MAP2K5: variants seen among roughly 807,000 people sequenced by gnomAD.
MAP2K5 encodes mitogen-activated protein kinase kinase 5.
MAP2K5 carries 49 observed loss-of-function variants against 83.1 expected under a neutral mutation model. That is an observed-to-expected ratio of 0.59 (90% CI 0.47 to 0.75). MAP2K5 has a LOEUF of 0.75. MAP2K5 is among the 30% of genes least tolerant of loss of function. The pLI is 0.00. For missense variants in MAP2K5, 457 were observed against 557.5 expected (o/e 0.82, Z 1.82); for synonymous variants, 202 against 191.8 (o/e 1.05, Z -0.44).
Position 67,760,912 on chromosome 15 carries a change from C to T in MAP2K5, c.1135-8690C>T, listed in dbSNP as rs1004806335. 6.6e-6 allele frequency among the ~76,000 whole-genome samples: 1 copy of T among 152,078 alleles called. No homozygotes were observed. The highest frequency in any genetic ancestry group is 1.5e-5 in the Non-Finnish European group (1 of 68,022). On this transcript the variant is annotated intron_variant, in intron 19 of 21. Coordinates refer to ENST00000178640, the MANE Select transcript of MAP2K5 (RefSeq NM_145160.3). This position sits in a 1 kb window ranked among gnomAD's most constrained non-coding sequence, Gnocchi z 4.1. ...GTTACCCAGCAGCTTGGGCTGGGGG[C>T]ACTGCTCTGCTTCACTGCCGAGTTG...
At chr15:67,759,052 A>T (rs906994373) in intron 19 of MAP2K5, among the ~76,000 whole-genome samples, 1 of 152,244 alleles carries the variant, frequency 6.6e-6, no homozygotes, top group African/African-American at 2.4e-5. Flanking sequence ...TTAATTTGGC[A>T]TGGAGGAGCG....
rs781284416 is a variant in MAP2K5, at chr15:67,692,469, C to G, written c.848-10C>G. The G allele has an allele frequency of 6.2e-7, 1 of 1,610,268 alleles. No individual in the cohort carries two copies. The highest frequency in any genetic ancestry group is 1.7e-4 in the Middle Eastern group (1 of 6,048). Reference sequence around the variant, plus strand: ...AATTAGTTACATGGCCTTTTCTGGTCCCTTTTTAGACGTGAAGCCCTCCAA... The same window carrying G: ...AATTAGTTACATGGCCTTTTCTGGTGCCTTTTTAGACGTGAAGCCCTCCAA... On this transcript the variant is annotated splice_polypyrimidine_tract_variant and intron_variant, in intron 13 of 21. Coordinates refer to ENST00000178640, the MANE Select transcript of MAP2K5 (RefSeq NM_145160.3).
At chr15:67,675,763 A>T (rs985373565) in intron 13 of MAP2K5, among the ~76,000 whole-genome samples, 8 of 152,186 alleles carry the variant, frequency 5.3e-5, no homozygotes, top group South Asian at 4.1e-4. Context: ...GCTTAATCAG[A>T]GAAGGTTGTC....
At chr15:67,547,458 T>TC (rs1381383619) in intron 1 of MAP2K5, among the ~76,000 whole-genome samples, 2 of 147,122 alleles carry the variant, frequency 1.4e-5, no homozygotes, top group African/African-American at 2.5e-5. Flanking sequence ...CTTTTTTCTT[T>TC]TTTTTTTTTT....
chr15:67,580,733 C>G (rs1005761455), intron 3 of MAP2K5, 21 bp from the exon 4 acceptor site: 2 of 1,480,476 alleles, frequency 1.4e-6, no homozygotes, highest in Middle Eastern at 3.7e-4. Context: ...TGAGTGATCT[C>G]TTTCTATAAT....
chr15:67,590,442 CCTCCCTCTCT>C (rs1195411510), intron 6 of MAP2K5, among the ~76,000 whole-genome samples: 2 of 5,824 alleles, frequency 3.4e-4, no homozygotes, highest in Non-Finnish European at 5.2e-4. Context: ...TCTCTCCCTC[CCTCCCTCTCT>C]CTCTCTCTCT....
In MAP2K5 at chr15:67,778,875, C is replaced by T. The variant is rs2090280965; in HGVS notation, c.1242+6123C>T. The stretch of plus-strand genomic sequence containing the variant: ...TTAGAGAGTGCTCATCCACCCTGTG[C>T]TTGCAAAAATCTAAGCTTTTTAAAA... On this transcript the variant is annotated intron_variant, in intron 21 of 21. Transcript: ENST00000178640. The surrounding 1 kb of genome is among the most constrained non-coding windows in gnomAD (Gnocchi z 5.0). 6.6e-6 allele frequency among the ~76,000 whole-genome samples: 1 copy of T among 152,122 alleles called. No individual in the cohort carries two copies.
At chr15:67,571,574 T>A (rs2084947567) in intron 3 of MAP2K5, among the ~76,000 whole-genome samples, 1 of 151,972 alleles carries the variant, frequency 6.6e-6, no homozygotes, top group Non-Finnish European at 1.5e-5. Context: ...AAATGAGAGA[T>A]TCAAGGCACC....
chr15:67,617,353 T>G (rs2086077805), intron 8 of MAP2K5, among the ~76,000 whole-genome samples: 1 of 152,224 alleles, frequency 6.6e-6, no homozygotes, highest in South Asian at 2.1e-4. Context: ...TTGGAATATG[T>G]TTAGAACTTA....
chr15:67,699,671 A>T (rs892625553), intron 15 of MAP2K5, among the ~76,000 whole-genome samples: 1 of 152,200 alleles, frequency 6.6e-6, no homozygotes, highest in Non-Finnish European at 1.5e-5. Context: ...CTAGCAAGCA[A>T]AGAGAACCAG....
chr15:67,591,980 A>C (rs1003927377), intron 6 of MAP2K5, among the ~76,000 whole-genome samples: 1 of 151,992 alleles, frequency 6.6e-6, no homozygotes, highest in South Asian at 2.1e-4. Flanking sequence ...GCATGGTGGC[A>C]CATGCCTATA....
In MAP2K5 at chr15:67,758,781, T is replaced by C. The variant is rs2141286685; in HGVS notation, c.1134+10180T>C. Reference sequence around the variant, plus strand: ...CATTCTTTCCCCACAACACTCTATTTTACAGACAAGGAAACTGAGTGACAA... The same window carrying C: ...CATTCTTTCCCCACAACACTCTATTCTACAGACAAGGAAACTGAGTGACAA... On this transcript the variant is annotated intron_variant, in intron 19 of 21. Transcript: ENST00000178640. The surrounding 1 kb of genome is among the most constrained non-coding windows in gnomAD (Gnocchi z 4.7). Among the ~76,000 whole-genome samples, 1 of 152,328 alleles carries C rather than the reference T, an allele frequency of 6.6e-6. No individual in the cohort carries two copies. Among genetic ancestry groups the C allele is most frequent in the South Asian group, 2.1e-4 (1 of 4,828 alleles).
At chr15:67,759,785 C>T (rs1011381719) in intron 19 of MAP2K5, among the ~76,000 whole-genome samples, 1 of 152,138 alleles carries the variant, frequency 6.6e-6, no homozygotes, top group African/African-American at 2.4e-5. Context: ...CCTGCAGACC[C>T]ACAGTGTCTG....
chr15:67,623,893 G>A (rs1374567863), intron 8 of MAP2K5, among the ~76,000 whole-genome samples: 1 of 149,500 alleles, frequency 6.7e-6, no homozygotes, highest in Non-Finnish European at 1.5e-5. Context: ...CACCGCCCCC[G>A]GCTACTTCCT....
chr15:67,803,694 T>C (rs1400462973), intron 21 of MAP2K5, among the ~76,000 whole-genome samples: 2 of 152,156 alleles, frequency 1.3e-5, no homozygotes, highest in Non-Finnish European at 2.9e-5. Flanking sequence ...AGTCAGTGAC[T>C]CTCCCAGTGT....
intron 8 of MAP2K5, chr15:67,629,115 G>A (rs552420682): frequency 4.4e-5 from 32 of 732,822 alleles, no homozygotes; most frequent in Admixed American, 2.4e-4. Context: ...CAGTAGCTAC[G>A]GCAGTGGCAG....
intron 13 of MAP2K5, among the ~76,000 whole-genome samples, chr15:67,678,639 G>T: frequency 6.6e-6 from 1 of 152,170 alleles, no homozygotes; most frequent in East Asian, 1.9e-4. Context: ...AAAGCATATA[G>T]CTGATACAAA....
Position 67,781,511 on chromosome 15 carries a change from C to G in MAP2K5, c.1242+8759C>G, listed in dbSNP as rs989464753. On this transcript the variant is annotated intron_variant, in intron 21 of 21. Transcript: ENST00000178640. This position sits in a 1 kb window ranked among gnomAD's most constrained non-coding sequence, Gnocchi z 4.0. ...AGAAAGGCAGTAGAGACATTTGGGC[C>G]TACCGTCCTCTATTTAATTTTCAAG... is the stretch of plus-strand genomic sequence containing the variant. Among the ~76,000 whole-genome samples the G allele has an allele frequency of 2.0e-5, 3 of 152,110 alleles. No homozygotes were observed. Among genetic ancestry groups the G allele is most frequent in the African/African-American group, 7.2e-5 (3 of 41,408 alleles).
intron 2 of MAP2K5, among the ~76,000 whole-genome samples, chr15:67,550,870 C>T (rs2084495653): frequency 6.6e-6 from 1 of 151,794 alleles, no homozygotes; most frequent in Admixed American, 6.6e-5. Flanking sequence ...CTCCTGGGTT[C>T]AAGCAGTTCT....
Sources: allele counts gnomAD v4.1 joint callset (sites outside exome capture counted in the v4.1 genomes callset), GRCh38; gene constraint gnomAD v4.1.1; non-coding constraint Gnocchi (gnomAD v3.1); transcripts MANE v1.5; gene names NCBI Gene and HGNC (gene_info 2026-07-23, HGNC 2026-07-21).